Variants in MDFIC2 observed in about 807,000 individuals in gnomAD.
The protein encoded by MDFIC2 is MyoD family inhibitor domain containing 2.
At chr3:70,224,227 G>A (rs547653958) in intron 2 of MDFIC2, among the ~76,000 whole-genome samples, 271 of 152,198 alleles carry the variant, frequency 1.8e-3, no homozygotes, top group Non-Finnish European at 3.2e-3. Flanking sequence ...AGGCTGATTC[G>A]AAGTCCCAGC....
chr3:70,195,891 C>T lies in MDFIC2; in HGVS notation c.*1035G>A, dbSNP rs1026548749. On this transcript the variant is annotated 3_prime_UTR_variant, in exon 4 of 4. Transcript: ENST00000567252. ...GAAAATCACTTTCCAGTCTATATCA[C>T]ATCTTTTTCTTAAAAAAATAAGTAA... Among the ~76,000 whole-genome samples the T allele has an allele frequency of 1.3e-5, 2 of 152,126 alleles. No homozygotes were observed. Among genetic ancestry groups the T allele is most frequent in the East Asian group, 1.9e-4 (1 of 5,194 alleles).
At chr3:70,258,519 T>C (rs1350938843) in intron 2 of MDFIC2, among the ~76,000 whole-genome samples, 1 of 152,202 alleles carries the variant, frequency 6.6e-6, no homozygotes, top group Admixed American at 6.5e-5. Context: ...TCCAGTCACA[T>C]GAGCTAGTAG....
intron 2 of MDFIC2, among the ~76,000 whole-genome samples, chr3:70,279,119 C>T (rs1702056338): frequency 1.3e-5 from 2 of 150,818 alleles, no homozygotes; most frequent in African/African-American, 4.9e-5. Context: ...TAGATTATTT[C>T]CTCTGTTTCA....
chr3:70,301,008 C>G (rs927339187), intron 2 of MDFIC2, among the ~76,000 whole-genome samples: 1 of 151,960 alleles, frequency 6.6e-6, no homozygotes, highest in African/African-American at 2.4e-5. Context: ...AAAGTGAACT[C>G]CTTATTATCC....
intron 2 of MDFIC2, among the ~76,000 whole-genome samples, chr3:70,248,298 C>A (rs1701727739): frequency 1.3e-5 from 2 of 152,034 alleles, no homozygotes; most frequent in South Asian, 4.1e-4. Flanking sequence ...GCAGGAATGT[C>A]TTCACTGGAG....
At chr3:70,280,540 C>T (rs2106681190) in intron 2 of MDFIC2, among the ~76,000 whole-genome samples, 1 of 152,222 alleles carries the variant, frequency 6.6e-6, no homozygotes, top group South Asian at 2.1e-4. Flanking sequence ...TCTACTTTTG[C>T]CTGTATTGAA....
chr3:70,214,866 A>G (rs1701390612), intron 2 of MDFIC2, among the ~76,000 whole-genome samples: 1 of 152,062 alleles, frequency 6.6e-6, no homozygotes. Flanking sequence ...CTCAAGAAAT[A>G]AAGATTATGT....
At chr3:70,205,006 A>G (rs962309870) in intron 3 of MDFIC2, 1 of 152,100 alleles carries the variant, frequency 6.6e-6, no homozygotes, top group Non-Finnish European at 1.5e-5. Flanking sequence ...ACTGGCATTA[A>G]TCTCTACCAA....
At chr3:70,213,063 C>T (rs1450113898) in intron 2 of MDFIC2, among the ~76,000 whole-genome samples, 4 of 152,074 alleles carry the variant, frequency 2.6e-5, no homozygotes, top group Admixed American at 2.0e-4. Context: ...CCTGCCTTGG[C>T]CTCCCAAAGT....
chr3:70,241,479 G>A (rs1197661958), intron 2 of MDFIC2, among the ~76,000 whole-genome samples: 1 of 152,150 alleles, frequency 6.6e-6, no homozygotes, highest in Non-Finnish European at 1.5e-5. Context: ...GGGCTAAAAT[G>A]TAATGGGAGG....
At chr3:70,305,997 A>T (rs1003812196) in intron 2 of MDFIC2, among the ~76,000 whole-genome samples, 3 of 152,182 alleles carry the variant, frequency 2.0e-5, no homozygotes, top group African/African-American at 7.2e-5. Context: ...AACCATGATA[A>T]CCAGTGTATT....
At chr3:70,238,477 G>GT (rs1454529278) in intron 2 of MDFIC2, among the ~76,000 whole-genome samples, 1 of 151,948 alleles carries the variant, frequency 6.6e-6, no homozygotes, top group Non-Finnish European at 1.5e-5. Flanking sequence ...GCCAGGTATG[G>GT]TGATGCATGC....
intron 2 of MDFIC2, among the ~76,000 whole-genome samples, chr3:70,296,454 C>A (rs1702289557): frequency 6.6e-6 from 1 of 152,040 alleles, no homozygotes; most frequent in South Asian, 2.1e-4. Flanking sequence ...GTTTATAGAA[C>A]CCATCACCTC....
chr3:70,259,405 T>A (rs1405130243), intron 2 of MDFIC2, among the ~76,000 whole-genome samples: 1 of 151,606 alleles, frequency 6.6e-6, no homozygotes, highest in East Asian at 1.9e-4. Context: ...GAATAAAAAT[T>A]TATTGACTTT....
At chr3:70,252,573 G>T (rs1056274474) in intron 2 of MDFIC2, among the ~76,000 whole-genome samples, 1 of 152,144 alleles carries the variant, frequency 6.6e-6, no homozygotes, top group East Asian at 1.9e-4. Context: ...AATAAAGTGG[G>T]CCAGATAACA....
chr3:70,287,510 T>G (rs1333572328), intron 2 of MDFIC2, among the ~76,000 whole-genome samples: 2 of 151,976 alleles, frequency 1.3e-5, no homozygotes, highest in African/African-American at 4.8e-5. Context: ...GATATTGGTC[T>G]AAAATTCTCT....
At chr3:70,307,093 A>G (rs1393838912) in intron 2 of MDFIC2, among the ~76,000 whole-genome samples, 3 of 152,130 alleles carry the variant, frequency 2.0e-5, no homozygotes, top group Non-Finnish European at 4.4e-5. Flanking sequence ...TTTCATTTAG[A>G]GATACACCCT....
intron 2 of MDFIC2, among the ~76,000 whole-genome samples, chr3:70,290,881 G>A (rs367614245): frequency 7.9e-5 from 12 of 152,164 alleles, no homozygotes; most frequent in South Asian, 2.1e-4. Context: ...GACCCCTTGC[G>A]CTTCCCGAGT....
chr3:70,278,830 T>C (rs983570200), intron 2 of MDFIC2, among the ~76,000 whole-genome samples: 2 of 151,976 alleles, frequency 1.3e-5, no homozygotes, highest in African/African-American at 4.8e-5. Flanking sequence ...CTATAAAGGA[T>C]AGCAAGCCAC....
Sources: allele counts gnomAD v4.1 joint callset (sites outside exome capture counted in the v4.1 genomes callset), GRCh38; gene constraint gnomAD v4.1.1; transcripts MANE v1.5; gene names NCBI Gene and HGNC (gene_info 2026-07-23, HGNC 2026-07-21).